SLC30A8: variants seen among roughly 807,000 people sequenced by gnomAD.
SLC30A8 encodes proton-coupled zinc antiporter SLC30A8.
A neutral mutation model predicts 36.9 loss-of-function variants in SLC30A8; 27 were observed. That is an observed-to-expected ratio of 0.73 (90% CI 0.54 to 1.01). The LOEUF (loss-of-function observed/expected upper bound fraction) is 1.01, where lower values mean the gene tolerates loss of function less well. Among genes scored for constraint, SLC30A8 ranks in the 50% least tolerant of loss-of-function variants. SLC30A8 has a pLI of 0.00. For missense variants in SLC30A8, 439 were observed against 452.0 expected, an observed-to-expected ratio of 0.97 and a Z score of 0.26; for synonymous variants, 164 against 172.4, an observed-to-expected ratio of 0.95 and a Z score of 0.38.
At chr8:116,961,758 G>A (rs1814431435) in intron 1 of SLC30A8, among the ~76,000 whole-genome samples, 1 of 151,976 alleles carries the variant, frequency 6.6e-6, no homozygotes, top group Non-Finnish European at 1.5e-5. Flanking sequence ...AGGGAGAAGG[G>A]TAAGAGAGAG....
At chr8:117,065,608 C>T (rs1586461910) in intron 2 of SLC30A8, among the ~76,000 whole-genome samples, 1 of 151,996 alleles carries the variant, frequency 6.6e-6, no homozygotes, top group African/African-American at 2.4e-5. Context: ...TTGGAACTAT[C>T]TCCGCTCATG....
intron 3 of SLC30A8, among the ~76,000 whole-genome samples, chr8:117,153,726 GT>G (rs1451230127): frequency 2.1e-4 from 31 of 147,310 alleles, no homozygotes; most frequent in African/African-American, 7.4e-4. Flanking sequence ...GATAAGGGGT[GT>G]GTGTGTGTGT....
chr8:117,102,814 A>T (rs1482378213), intron 2 of SLC30A8, among the ~76,000 whole-genome samples: 1 of 152,116 alleles, frequency 6.6e-6, no homozygotes, highest in Admixed American at 6.6e-5. Context: ...CCAATACAAT[A>T]CATGATGCAT....
intron 1 of SLC30A8, among the ~76,000 whole-genome samples, chr8:117,140,137 C>G (rs1326396478): frequency 2.0e-5 from 3 of 151,836 alleles, no homozygotes; most frequent in Non-Finnish European, 2.9e-5. Flanking sequence ...GAGCTGTACT[C>G]ATAGAAGCTG....
chr8:116,995,857 C>A (rs918892782), intron 1 of SLC30A8, among the ~76,000 whole-genome samples: 1 of 152,062 alleles, frequency 6.6e-6, no homozygotes, highest in African/African-American at 2.4e-5. Flanking sequence ...AACGCACAAT[C>A]TTCTTGCACC....
intron 2 of SLC30A8, among the ~76,000 whole-genome samples, chr8:117,058,762 T>C (rs1164788978): frequency 1.3e-5 from 2 of 152,208 alleles, no homozygotes; most frequent in African/African-American, 2.4e-5. Context: ...AAAAGTTATA[T>C]GAAATTAAAT....
At chr8:116,962,878 G>A (rs779804337) in intron 1 of SLC30A8, among the ~76,000 whole-genome samples, 4 of 151,946 alleles carry the variant, frequency 2.6e-5, no homozygotes, top group African/African-American at 7.2e-5. Flanking sequence ...ATAAGATAGA[G>A]TAATTTTTGG....
chr8:117,135,042 A>G lies in SLC30A8; in HGVS notation c.-286A>G, dbSNP rs1325843578. ...CTTAGAAAGCACAATTGAATCAGAT[A>G]TCATATGAAAGACATACACACTTCA... On this transcript the variant is annotated 5_prime_UTR_variant, in exon 1 of 8. The change creates a new upstream start codon in the 5' untranslated region. Coordinates refer to ENST00000456015, the MANE Select transcript of SLC30A8 (RefSeq NM_173851.3). 1 of 254,144 alleles carries G rather than the reference A, an allele frequency of 3.9e-6. No individual in the cohort carries two copies. Among genetic ancestry groups the G allele is most frequent in the Non-Finnish European group, 7.4e-6 (1 of 135,262 alleles). The allele number at this position is 254,144 out of a possible 1,614,324, so 15.7% of individuals were successfully genotyped here. A position where few individuals can be genotyped will look rare whatever the true frequency, so the allele number is the denominator to read the frequency against.
At chr8:117,065,931 C>A (rs1818154599) in intron 2 of SLC30A8, among the ~76,000 whole-genome samples, 1 of 152,068 alleles carries the variant, frequency 6.6e-6, no homozygotes, top group African/African-American at 2.4e-5. Context: ...GCTGGCTGCC[C>A]CTTAGCAAAA....
upstream of SLC30A8, chr8:116,950,568 A>C (rs2130565980): frequency 6.6e-6 from 1 of 152,376 alleles, no homozygotes; most frequent in East Asian, 1.9e-4. Context: ...GCAGCAAAAT[A>C]GTAAACTGTT....
In SLC30A8 at chr8:117,167,504, T is replaced by G. The variant is rs28485973; in HGVS notation, c.830-3530T>G. On this transcript the variant is annotated intron_variant, in intron 6 of 7. Coordinates refer to ENST00000456015, the MANE Select transcript of SLC30A8 (RefSeq NM_173851.3). Reference sequence around the variant, plus strand: ...GCATATATATATATACATACATACATGTATATGTATATGTGTATGTGATGT... The same window carrying G: ...GCATATATATATATACATACATACAGGTATATGTATATGTGTATGTGATGT... 1.0e-3 allele frequency among the ~76,000 whole-genome samples: 142 copies of G among 142,256 alleles called. 1 individual carries two copies. Among genetic ancestry groups the G allele is most frequent in the African/African-American group, 3.5e-3 (140 of 40,110 alleles). 93.3% of individuals were successfully genotyped at this position (142,256 alleles called of 152,430 possible).
At chr8:117,135,820 T>G (rs1821335136) in intron 1 of SLC30A8, among the ~76,000 whole-genome samples, 1 of 151,988 alleles carries the variant, frequency 6.6e-6, no homozygotes, top group Non-Finnish European at 1.5e-5. Context: ...GTTTTCATGC[T>G]TATAAAGTAT....
At chr8:117,096,850 C>A (rs1017187360) in intron 2 of SLC30A8, among the ~76,000 whole-genome samples, 2 of 152,052 alleles carry the variant, frequency 1.3e-5, no homozygotes, top group Non-Finnish European at 1.5e-5. Context: ...GTCTTTGAAG[C>A]CTGCACCTCT....
chr8:117,042,585 C>G (rs1008891970), intron 2 of SLC30A8, among the ~76,000 whole-genome samples: 1 of 152,050 alleles, frequency 6.6e-6, no homozygotes, highest in African/African-American at 2.4e-5. Flanking sequence ...ATTTAAAGTC[C>G]TGCTTTGGGA....
intron 1 of SLC30A8, among the ~76,000 whole-genome samples, chr8:117,018,665 C>G (rs186140561): frequency 2.0e-5 from 1 of 51,026 alleles, no homozygotes; most frequent in African/African-American, 4.5e-5. Context: ...TCTGACTAGC[C>G]CCCCCCCCCC....
rs1400205758 is a variant in SLC30A8, at chr8:117,147,302, T to C, written c.271+149T>C. ...TGCTCATTGTAGATAAGCTGAAAAA[T>C]AGAAGGAAACAAAATAAAATTCATC... On this transcript the variant is annotated intron_variant, in intron 2 of 7. Transcript: ENST00000456015. The C allele has an allele frequency of 4.4e-6, 3 of 679,902 alleles. No homozygotes were observed. In the African/African-American group the frequency reaches 5.4e-5, roughly 12 times the overall value. 42.1% of individuals were successfully genotyped at this position (679,902 alleles called of 1,614,324 possible). A position where few individuals can be genotyped will look rare whatever the true frequency, so the allele number is the denominator to read the frequency against.
chr8:117,031,836 C>T (rs1332373777), intron 1 of SLC30A8, among the ~76,000 whole-genome samples: 1 of 152,162 alleles, frequency 6.6e-6, no homozygotes. Context: ...TGCTAAGCTT[C>T]TGTAGGCTGC....
intron 7 of SLC30A8, among the ~76,000 whole-genome samples, 179 bp from the exon 8 acceptor site, chr8:117,172,357 T>A (rs1020272620): frequency 1.3e-5 from 2 of 151,848 alleles, no homozygotes; most frequent in Non-Finnish European, 1.5e-5. Context: ...TGCACTAGAG[T>A]TTCCCCTGCC....
intron 1 of SLC30A8, among the ~76,000 whole-genome samples, chr8:116,965,890 T>TG (rs1343084766): frequency 6.6e-6 from 1 of 150,800 alleles, no homozygotes; most frequent in South Asian, 2.1e-4. Flanking sequence ...TTTAATTTTT[T>TG]TTTTTTTTTT....
Sources: gnomAD v4.1 joint callset for allele counts (sites outside exome capture counted in the v4.1 genomes callset) on GRCh38, gnomAD v4.1.1 for gene constraint, MANE v1.5 for transcripts, NCBI Gene and HGNC (gene_info 2026-07-23, HGNC 2026-07-21) for gene names.